Variants in CLHC1 observed in about 807,000 individuals in gnomAD.
The protein encoded by CLHC1 is clathrin heavy chain linker domain-containing protein 1.
CLHC1 carries 72 observed loss-of-function variants against 69.5 expected under a neutral mutation model. That is an observed-to-expected ratio of 1.04 (90% CI 0.86 to 1.26). The LOEUF is 1.26. Ranked by LOEUF, CLHC1 falls within the 50% of genes most tolerant of loss-of-function variation. The pLI is 0.00. For synonymous variants in CLHC1, 223 were observed against 224.3 expected, an observed-to-expected ratio of 0.99 and a Z score of 0.05; for missense variants, 790 against 679.3, an observed-to-expected ratio of 1.16 and a Z score of -1.81.
chr2:55,217,721 G>C, intron 4 of CLHC1, 90 bp downstream of exon 4: 1 of 751,422 alleles, frequency 1.3e-6, no homozygotes, highest in Non-Finnish European at 2.0e-6. Flanking sequence ...AATTCAATAA[G>C]ACTAAGAACC....
intron 9 of CLHC1, among the ~76,000 whole-genome samples, chr2:55,200,042 G>A (rs1671789042): frequency 2.0e-5 from 3 of 151,916 alleles, no homozygotes; most frequent in South Asian, 4.2e-4. Context: ...CAGGCAACAT[G>A]GTGAGACCTT....
At chr2:55,193,160 G>A (rs926287680) in intron 9 of CLHC1, among the ~76,000 whole-genome samples, 2 of 152,066 alleles carry the variant, frequency 1.3e-5, no homozygotes, top group Non-Finnish European at 2.9e-5. Flanking sequence ...CCAAAGTGCT[G>A]GGATTATAGG....
intron 9 of CLHC1, among the ~76,000 whole-genome samples, chr2:55,206,032 TAGTG>T (rs1672408650): frequency 1.3e-5 from 2 of 152,222 alleles, no homozygotes; most frequent in African/African-American, 4.8e-5. Flanking sequence ...TAAATCTTGA[TAGTG>T]AGTACATGGG....
chr2:55,184,817 A>C (rs1670267225), intron 9 of CLHC1, among the ~76,000 whole-genome samples: 1 of 151,858 alleles, frequency 6.6e-6, no homozygotes, highest in African/African-American at 2.4e-5. Context: ...AGGCAGGAGA[A>C]TCGCTTGAAC....
intron 7 of CLHC1, among the ~76,000 whole-genome samples, chr2:55,209,095 G>A (rs978227147): frequency 3.3e-5 from 5 of 151,788 alleles, no homozygotes; most frequent in Admixed American, 3.3e-4. Context: ...GGATGGTCTC[G>A]ATCTTCTGAC....
At chr2:55,204,414 A>C (rs1243715611) in intron 9 of CLHC1, among the ~76,000 whole-genome samples, 1 of 152,264 alleles carries the variant, frequency 6.6e-6, no homozygotes, top group Admixed American at 6.5e-5. Flanking sequence ...ACAATGAGAT[A>C]TCATCTCAGC....
chr2:55,205,411 A>ACG (rs1353082630), intron 9 of CLHC1, among the ~76,000 whole-genome samples: 3 of 151,476 alleles, frequency 2.0e-5, no homozygotes, highest in Admixed American at 2.0e-4. Context: ...ACACACACAC[A>ACG]CACACACACA....
intron 9 of CLHC1, among the ~76,000 whole-genome samples, chr2:55,203,161 GAC>G (rs1672122476): frequency 6.6e-6 from 1 of 151,900 alleles, no homozygotes; most frequent in African/African-American, 2.4e-5. Context: ...AACTGAAGAG[GAC>G]ACACAAAAAA....
intron 9 of CLHC1, among the ~76,000 whole-genome samples, chr2:55,203,577 G>A (rs1672163292): frequency 6.6e-6 from 1 of 152,122 alleles, no homozygotes; most frequent in African/African-American, 2.4e-5. Flanking sequence ...AGTCTCTTCA[G>A]TAAATGGTGC....
chr2:55,216,533 T>C (rs1673523980), intron 4 of CLHC1, among the ~76,000 whole-genome samples: 1 of 151,932 alleles, frequency 6.6e-6, no homozygotes, highest in African/African-American at 2.4e-5. Flanking sequence ...TTTATTTTAT[T>C]TTATTCCTTT....
At chr2:55,201,463 A>C (rs745557467) in intron 9 of CLHC1, among the ~76,000 whole-genome samples, 4 of 152,186 alleles carry the variant, frequency 2.6e-5, no homozygotes, top group Non-Finnish European at 5.9e-5. Context: ...ACCAATATTG[A>C]ACCATGAAGA....
chr2:55,210,700 A>T (rs1672909631), intron 5 of CLHC1, among the ~76,000 whole-genome samples: 1 of 152,222 alleles, frequency 6.6e-6, no homozygotes, highest in African/African-American at 2.4e-5. Context: ...CAAATCTCTC[A>T]TTACCCTATT....
rs751253161 is a variant in CLHC1, at chr2:55,181,605, C to G, written c.1146G>C (p.Arg382=). 1 of 1,612,272 alleles carries G rather than the reference C, an allele frequency of 6.2e-7. No individual in the cohort carries two copies. Among genetic ancestry groups the G allele is most frequent in the East Asian group, 2.2e-5 (1 of 44,832 alleles). The part of the protein sequence containing the change: ...EGIKCGLSEK[R]LDLVTNWVTQ... ...TAACCCAATTGGTAACTAAATCTAA[C>G]CGTTTTTCTGATAATCCACATTTGA... Residue 382 remains arginine, a synonymous_variant, in exon 10 of 13, where the codon CGG becomes CGC. Transcript: ENST00000401408.
At chr2:55,229,854 A>G (rs1675093822) in intron 1 of CLHC1, among the ~76,000 whole-genome samples, 3 of 152,358 alleles carry the variant, frequency 2.0e-5, no homozygotes, top group South Asian at 4.1e-4. Context: ...CGGGCAGATC[A>G]CCTGACGTCG....
intron 12 of CLHC1, among the ~76,000 whole-genome samples, chr2:55,176,825 G>A (rs1341901353): frequency 6.6e-6 from 1 of 152,112 alleles, no homozygotes; most frequent in African/African-American, 2.4e-5. Flanking sequence ...GAAGTTGTCT[G>A]TTCAACTTCC....
At chr2:55,223,114 T>G (rs1573777249) in intron 2 of CLHC1, among the ~76,000 whole-genome samples, 1 of 152,238 alleles carries the variant, frequency 6.6e-6, no homozygotes, top group Admixed American at 6.5e-5. Flanking sequence ...TGGTATTTTA[T>G]ATTTATTTGT....
At chr2:55,219,041 T>C (rs2104027201) in intron 3 of CLHC1, among the ~76,000 whole-genome samples, 1 of 152,306 alleles carries the variant, frequency 6.6e-6, no homozygotes, top group South Asian at 2.1e-4. Flanking sequence ...AGAGGATATT[T>C]GAGTGGGTGA....
At chr2:55,207,034 G>C (rs1052306804) in intron 8 of CLHC1, 1 of 151,926 alleles carries the variant, frequency 6.6e-6, no homozygotes, top group African/African-American at 2.4e-5. Flanking sequence ...AGAATCACTT[G>C]AACCCGGGAG....
At chr2:55,217,740 G>C in intron 4 of CLHC1, 71 bp downstream of exon 4, 1 of 925,510 alleles carries the variant, frequency 1.1e-6, no homozygotes, top group Non-Finnish European at 1.5e-6. Context: ...CCACCAGCTA[G>C]AGTTACACTG....
Sources: allele counts gnomAD v4.1 joint callset (sites outside exome capture counted in the v4.1 genomes callset), GRCh38; gene constraint gnomAD v4.1.1; transcripts MANE v1.5; gene names NCBI Gene and HGNC (gene_info 2026-07-23, HGNC 2026-07-21).